Variants in GFRA1 observed in about 807,000 individuals in gnomAD.
GFRA1 encodes the protein GDNF family receptor alpha 1.
GFRA1 carries 16 observed loss-of-function variants against 51.6 expected under a neutral mutation model. That is an observed-to-expected ratio of 0.31 (90% CI 0.21 to 0.47). GFRA1 has a LOEUF of 0.47. Ranked by LOEUF, GFRA1 falls within the 20% of genes least tolerant of loss-of-function variation. The pLI is 1.00. For synonymous variants in GFRA1, 270 were observed against 241.3 expected (o/e 1.12, Z -1.10); for missense variants, 530 against 594.3 (o/e 0.89, Z 1.13).
chr10:116,260,476 CTA>C (rs1189753191), intron 4 of GFRA1, among the ~76,000 whole-genome samples: 1 of 152,140 alleles, frequency 6.6e-6, no homozygotes, highest in African/African-American at 2.4e-5. Flanking sequence ...CTGCATAGTT[CTA>C]TATGTTTTGA....
intron 9 of GFRA1, among the ~76,000 whole-genome samples, chr10:116,072,118 G>C (rs1245857560): frequency 2.0e-5 from 3 of 150,656 alleles, no homozygotes; most frequent in South Asian, 2.1e-4. Context: ...ATTCAACTTA[G>C]TTTGCATTGA....
At chr10:116,176,139 C>G (rs1467499804) in intron 5 of GFRA1, among the ~76,000 whole-genome samples, 4 of 152,160 alleles carry the variant, frequency 2.6e-5, no homozygotes, top group Non-Finnish European at 5.9e-5. Flanking sequence ...CTATAAATGT[C>G]ACATGTTTGT....
At chr10:116,079,409 A>AT (rs1955754737) in intron 9 of GFRA1, among the ~76,000 whole-genome samples, 1 of 152,060 alleles carries the variant, frequency 6.6e-6, no homozygotes, top group African/African-American at 2.4e-5. Context: ...GTTTACACTT[A>AT]TATCTCCCTA....
intron 9 of GFRA1, among the ~76,000 whole-genome samples, chr10:116,076,045 G>A (rs1955606257): frequency 6.6e-6 from 1 of 151,936 alleles, no homozygotes; most frequent in Admixed American, 6.6e-5. Flanking sequence ...GCCCGGCCAA[G>A]CTCTATTATC....
At chr10:116,273,444 G>A (rs1362856909), upstream of GFRA1, 2 of 152,140 alleles carry the variant, frequency 1.3e-5, no homozygotes, top group African/African-American at 4.8e-5. Flanking sequence ...GGCGTGTTCC[G>A]AGGCCAGATT....
intron 9 of GFRA1, among the ~76,000 whole-genome samples, chr10:116,066,510 G>C (rs1955122210): frequency 6.6e-6 from 1 of 152,136 alleles, no homozygotes. Context: ...TTATAGGAAA[G>C]GTCCCATTGC....
At chr10:116,164,407 T>G (rs1268289014) in intron 5 of GFRA1, among the ~76,000 whole-genome samples, 1 of 152,072 alleles carries the variant, frequency 6.6e-6, no homozygotes, top group East Asian at 1.9e-4. Context: ...AACCAATTAG[T>G]CTCTTTTGTG....
rs1397451151 is a variant in GFRA1 at position 116,265,022 on chromosome 10, T to C, written c.418+4481A>G. Among the ~76,000 whole-genome samples the C allele has an allele frequency of 7.9e-5, 12 of 152,290 alleles. 1 individual carries two copies. The South Asian group carries it at 1.2e-3, about 16-fold the overall frequency. On this transcript the variant is annotated intron_variant, in intron 4 of 10. Coordinates refer to ENST00000355422, the MANE Select transcript of GFRA1 (RefSeq NM_005264.8). ...TGATAACTTTTTAAAAAATAATGAC[T>C]TAAATATGACGGTGCATTTGAACAG...
intron 5 of GFRA1, among the ~76,000 whole-genome samples, chr10:116,132,374 C>G (rs1958139782): frequency 6.6e-6 from 1 of 151,482 alleles, no homozygotes; most frequent in Admixed American, 6.6e-5. Flanking sequence ...ACAGCACATT[C>G]AGATGTGAAT....
chr10:116,067,548 T>C (rs1311083546), intron 9 of GFRA1, among the ~76,000 whole-genome samples: 1 of 152,232 alleles, frequency 6.6e-6, no homozygotes, highest in Non-Finnish European at 1.5e-5. Context: ...CTTTCTACTT[T>C]GTTCAGTATG....
chr10:116,272,351 C>G lies in GFRA1; in HGVS notation c.-246-76G>C, dbSNP rs975540128. On this transcript the variant is annotated intron_variant, in intron 1 of 10. Transcript: ENST00000355422. The surrounding 1 kb of genome is among the most constrained non-coding windows in gnomAD (Gnocchi z 4.4). The stretch of plus-strand genomic sequence containing the variant: ...CCCCCACAGAACCCTCTCCCCTCCC[C>G]CGTTCCCGCCTTTGGGGAATTTCCA... 3 of 471,650 alleles carry G rather than the reference C, an allele frequency of 6.4e-6. No individual in the cohort carries two copies. Among genetic ancestry groups the G allele is most frequent in the Non-Finnish European group, 1.2e-5 (3 of 258,450 alleles). 29.2% of individuals were successfully genotyped at this position (471,650 alleles called of 1,614,324 possible).
intron 5 of GFRA1, among the ~76,000 whole-genome samples, chr10:116,133,034 C>T (rs1345243813): frequency 6.6e-6 from 1 of 152,042 alleles, no homozygotes; most frequent in African/African-American, 2.4e-5. Flanking sequence ...CTCCCCTCCC[C>T]CTCTAATCTC....
chr10:116,091,949 A>G (rs1330717542), intron 8 of GFRA1, among the ~76,000 whole-genome samples: 1 of 152,244 alleles, frequency 6.6e-6, no homozygotes, highest in African/African-American at 2.4e-5. Context: ...AGCAGGAACA[A>G]CTTTAATTTC....
chr10:116,230,263 G>A (rs974221635), intron 4 of GFRA1, among the ~76,000 whole-genome samples: 23 of 152,124 alleles, frequency 1.5e-4, no homozygotes, highest in Middle Eastern at 3.2e-3. Flanking sequence ...AGCACCTCCC[G>A]TGCATTTTTC....
Position 116,148,176 on chromosome 10 carries a change from TTCACC to T in GFRA1, c.434-22624_434-22620del, listed in dbSNP as rs776044510. 2.0e-5 allele frequency among the ~76,000 whole-genome samples: 3 copies of T among 151,544 alleles called. No individual in the cohort carries two copies. The South Asian group carries it at 6.2e-4, about 31-fold the overall frequency. On this transcript the variant is annotated intron_variant, in intron 5 of 10. Transcript: ENST00000355422. ...AGAATTTTGCCTTTTGTCTTCCGGT[TTCACC>T]TTACAACACTTTAAAATAGTTACTA...
chr10:116,232,189 CAT>C (rs1056056673), intron 4 of GFRA1, among the ~76,000 whole-genome samples: 66 of 152,270 alleles, frequency 4.3e-4, no homozygotes, highest in African/African-American at 1.5e-3. Flanking sequence ...CTAAAACAAA[CAT>C]GTTAAAAATT....
chr10:116,210,931 C>G (rs1014110094), intron 5 of GFRA1, among the ~76,000 whole-genome samples: 2 of 152,174 alleles, frequency 1.3e-5, no homozygotes, highest in Non-Finnish European at 2.9e-5. Flanking sequence ...TGACGTATAT[C>G]CAGAAGGTTC....
At chr10:116,148,363 G>T (rs1958922621) in intron 5 of GFRA1, among the ~76,000 whole-genome samples, 1 of 152,080 alleles carries the variant, frequency 6.6e-6, no homozygotes, top group African/African-American at 2.4e-5. Flanking sequence ...GGTGTGCAGT[G>T]ATTGAGGGTG....
At position 116,272,134 on chromosome 10, in the gene GFRA1, G is replaced by A; in HGVS notation, c.-105C>T. ...GCAGCGATCCCCGGACAGCTGTGCT[G>A]CTCTGGCCGCCCAAAGTTCAGCTCC... On this transcript the variant is annotated 5_prime_UTR_variant, in exon 2 of 11. An upstream open reading frame in the 5' UTR gains an earlier in-frame stop. Transcript: ENST00000355422. This position sits in a 1 kb window ranked among gnomAD's most constrained non-coding sequence, Gnocchi z 4.4. 1 of 1,004,738 alleles carries A rather than the reference G, an allele frequency of 1.0e-6. No homozygotes were observed. The highest frequency in any genetic ancestry group is 1.5e-6 in the Non-Finnish European group (1 of 651,152). The allele number at this position is 1,004,738 out of a possible 1,614,324, so 62.2% of individuals were successfully genotyped here.
Sources: gnomAD v4.1 joint callset for allele counts (sites outside exome capture counted in the v4.1 genomes callset) on GRCh38, gnomAD v4.1.1 for gene constraint, Gnocchi (gnomAD v3.1) non-coding constraint, MANE v1.5 for transcripts, NCBI Gene and HGNC (gene_info 2026-07-23, HGNC 2026-07-21) for gene names.